Variants in CTNNA3 observed in about 807,000 individuals in gnomAD.
The protein encoded by CTNNA3 is catenin alpha 3.
A neutral mutation model predicts 95.7 loss-of-function variants in CTNNA3; 76 were observed. That is an observed-to-expected ratio of 0.79 (90% CI 0.66 to 0.96). CTNNA3 has a LOEUF of 0.96. CTNNA3 is among the 40% of genes least tolerant of loss of function. The pLI, the probability that CTNNA3 is intolerant of heterozygous loss-of-function variation, is 0.00. For synonymous variants in CTNNA3, 431 were observed against 374.4 expected, an observed-to-expected ratio of 1.15 and a Z score of -1.74; for missense variants, 1,191 against 1,089.8, an observed-to-expected ratio of 1.09 and a Z score of -1.31.
chr10:66,514,426 AC>A (rs1840768569), intron 11 of CTNNA3, among the ~76,000 whole-genome samples: 1 of 152,198 alleles, frequency 6.6e-6, no homozygotes, highest in Non-Finnish European at 1.5e-5. Flanking sequence ...AGAATAAAAC[AC>A]ATCTTCAACT....
rs1466599918 is a variant in CTNNA3, at chr10:65,917,116, G to GA, written c.*3213dup. The GA allele has an allele frequency of 6.6e-6, 1 of 152,120 alleles. No individual in the cohort carries two copies. The highest frequency in any genetic ancestry group is 1.5e-5 in the Non-Finnish European group (1 of 68,012). The allele number at this position is 152,120 out of a possible 1,614,324, so 9.4% of individuals were successfully genotyped here. ...CCTGTACATAAGAGATTTTTATGGG[G>GA]AACAAATATGTTATATTGATCTTAT... On this transcript the variant is annotated 3_prime_UTR_variant, in exon 18 of 18. Coordinates refer to ENST00000433211, the MANE Select transcript of CTNNA3 (RefSeq NM_013266.4).
At chr10:67,671,025 G>A (rs1840421672) in intron 1 of CTNNA3, among the ~76,000 whole-genome samples, 1 of 152,006 alleles carries the variant, frequency 6.6e-6, no homozygotes, top group African/African-American at 2.4e-5. Flanking sequence ...CTATAAAGAT[G>A]TGGTAAACAT....
At chr10:66,308,060 A>G (rs2091956058) in intron 12 of CTNNA3, among the ~76,000 whole-genome samples, 2 of 152,222 alleles carry the variant, frequency 1.3e-5, no homozygotes, top group Non-Finnish European at 2.9e-5. Flanking sequence ...CATCATGTCT[A>G]AAACACATCT....
At chr10:66,131,824 G>T (rs1041224290) in intron 13 of CTNNA3, among the ~76,000 whole-genome samples, 9 of 152,148 alleles carry the variant, frequency 5.9e-5, no homozygotes, top group African/African-American at 1.9e-4. Flanking sequence ...TTCAATAAAA[G>T]GTGCTGGGAT....
intron 5 of CTNNA3, among the ~76,000 whole-genome samples, chr10:67,420,100 C>G (rs1845696797): frequency 1.3e-5 from 2 of 152,176 alleles, no homozygotes; most frequent in Non-Finnish European, 2.9e-5. Context: ...CCGCCTGCCT[C>G]AGCCTCCCAA....
intron 5 of CTNNA3, among the ~76,000 whole-genome samples, chr10:67,330,888 C>T (rs1841765182): frequency 2.0e-5 from 3 of 152,230 alleles, no homozygotes; most frequent in South Asian, 4.1e-4. Flanking sequence ...GCATCCAGCA[C>T]CAAAGCTAAG....
chr10:67,364,469 C>G (rs1210711466), intron 5 of CTNNA3, among the ~76,000 whole-genome samples: 1 of 152,064 alleles, frequency 6.6e-6, no homozygotes, highest in East Asian at 1.9e-4. Context: ...AAGTCCTGGC[C>G]AGGGCAATTA....
chr10:66,596,484 T>A (rs1843719080), intron 10 of CTNNA3, among the ~76,000 whole-genome samples: 1 of 152,122 alleles, frequency 6.6e-6, no homozygotes, highest in East Asian at 1.9e-4. Flanking sequence ...TCATACTATA[T>A]TAAACAATTC....
At chr10:66,361,192 C>G (rs1348805081) in intron 12 of CTNNA3, among the ~76,000 whole-genome samples, 1 of 150,838 alleles carries the variant, frequency 6.6e-6, no homozygotes, top group Admixed American at 6.6e-5. Flanking sequence ...TGGTCTCGAA[C>G]CCCTGGGCTC....
rs1261227498 is a variant in CTNNA3, at chr10:66,833,049, AT to A, written c.1048-57526del. On this transcript the variant is annotated intron_variant, in intron 7 of 17. Coordinates refer to ENST00000433211, the MANE Select transcript of CTNNA3 (RefSeq NM_013266.4). Reference sequence around the variant, plus strand: ...AGATTATTTTTACTCTAAAAGAAGAATTTTATTTATATCCATGTTATATTTT... The same window carrying A: ...AGATTATTTTTACTCTAAAAGAAGAATTTATTTATATCCATGTTATATTTT... 6.4e-4 allele frequency among the ~76,000 whole-genome samples: 97 copies of A among 152,282 alleles called. 1 individual carries two copies. Among genetic ancestry groups the A allele is most frequent in the Non-Finnish European group, 2.9e-5 (2 of 68,022 alleles).
chr10:66,110,852 T>A (rs578035787), intron 13 of CTNNA3, among the ~76,000 whole-genome samples: 5 of 152,310 alleles, frequency 3.3e-5, no homozygotes, highest in Non-Finnish European at 4.4e-5. Flanking sequence ...CAAACCTAGA[T>A]GGTATAACCT....
intron 6 of CTNNA3, among the ~76,000 whole-genome samples, chr10:67,181,122 T>G (rs943954606): frequency 6.6e-6 from 1 of 152,176 alleles, no homozygotes; most frequent in Non-Finnish European, 1.5e-5. Context: ...AGATTTAATA[T>G]TATTTTCATT....
chr10:66,608,966 G>A (rs900106842), intron 10 of CTNNA3, among the ~76,000 whole-genome samples: 1 of 152,032 alleles, frequency 6.6e-6, no homozygotes, highest in African/African-American at 2.4e-5. Context: ...AAGAGCTTCC[G>A]CACAACAGAA....
chr10:66,323,518 C>T (rs1226641295), intron 12 of CTNNA3, among the ~76,000 whole-genome samples: 2 of 151,590 alleles, frequency 1.3e-5, no homozygotes, highest in African/African-American at 2.4e-5. Flanking sequence ...GGACGTGGTG[C>T]CATATGCCTG....
chr10:67,346,941 T>C (rs1390595090), intron 5 of CTNNA3, among the ~76,000 whole-genome samples: 1 of 152,132 alleles, frequency 6.6e-6, no homozygotes, highest in Non-Finnish European at 1.5e-5. Flanking sequence ...AGAGGCATTC[T>C]ATTTCCTGCA....
chr10:66,295,357 C>G (rs1337774342), intron 12 of CTNNA3, among the ~76,000 whole-genome samples: 1 of 152,002 alleles, frequency 6.6e-6, no homozygotes. Context: ...TCTTTCTGGG[C>G]AATAACAGCA....
At chr10:66,520,382 G>T (rs950826172) in intron 11 of CTNNA3, among the ~76,000 whole-genome samples, 1 of 150,216 alleles carries the variant, frequency 6.7e-6, no homozygotes, top group Non-Finnish European at 1.5e-5. Context: ...CTCCTGAGTA[G>T]CTGGGATTAC....
chr10:66,338,075 A>G (rs991472889), intron 12 of CTNNA3, among the ~76,000 whole-genome samples: 1 of 152,116 alleles, frequency 6.6e-6, no homozygotes, highest in African/African-American at 2.4e-5. Context: ...AGAATAGATA[A>G]CATAAAATGT....
intron 5 of CTNNA3, among the ~76,000 whole-genome samples, chr10:67,353,325 G>A (rs1273256035): frequency 6.6e-6 from 1 of 151,954 alleles, no homozygotes; most frequent in Non-Finnish European, 1.5e-5. Flanking sequence ...AGAGAGAGAA[G>A]AAGCAGCACA....
Sources: gnomAD v4.1 joint callset for allele counts (sites outside exome capture counted in the v4.1 genomes callset) on GRCh38, gnomAD v4.1.1 for gene constraint, MANE v1.5 for transcripts, NCBI Gene and HGNC (gene_info 2026-07-23, HGNC 2026-07-21) for gene names.